BRD10: variants seen among roughly 807,000 people sequenced by gnomAD.
BRD10 encodes the protein bromodomain containing 10.
the BRD10 span, among the ~76,000 whole-genome samples, chr9:5,947,471 A>G: frequency 6.6e-6 from 1 of 152,182 alleles, no homozygotes; most frequent in South Asian, 2.1e-4. Flanking sequence ...TAAATGTACG[A>G]TAAGACAATT....
At chr9:5,956,995 T>C in the BRD10 span, among the ~76,000 whole-genome samples, 6 of 152,088 alleles carry the variant, frequency 3.9e-5, no homozygotes, top group Admixed American at 2.0e-4. Context: ...GGTAACTGTT[T>C]ACAATTCTGA....
chr9:5,894,206 T>C, the BRD10 span, among the ~76,000 whole-genome samples: 1 of 152,142 alleles, frequency 6.6e-6, no homozygotes, highest in Non-Finnish European at 1.5e-5. The surrounding 1 kb of genome is among the most constrained non-coding windows in gnomAD (Gnocchi z 4.0). Context: ...TCCTTTGCCA[T>C]GTAGGGCCAT....
At chr9:5,931,054 G>A in the BRD10 span, among the ~76,000 whole-genome samples, 1 of 152,190 alleles carries the variant, frequency 6.6e-6, no homozygotes, top group Non-Finnish European at 1.5e-5. Context: ...TGATAGTAGG[G>A]AGACTATACT....
At chr9:5,959,402 G>A in the BRD10 span, among the ~76,000 whole-genome samples, 2 of 152,086 alleles carry the variant, frequency 1.3e-5, no homozygotes. Flanking sequence ...TCTAAAATCT[G>A]TAATAATGGG....
At chr9:6,002,249 C>T in the BRD10 span, among the ~76,000 whole-genome samples, 1 of 152,196 alleles carries the variant, frequency 6.6e-6, no homozygotes, top group Admixed American at 6.5e-5. Context: ...GTTAATTGAA[C>T]TCTTTCATAC....
chr9:5,913,877 G>C, the BRD10 span: 1 of 311,672 alleles, frequency 3.2e-6, no homozygotes, highest in South Asian at 2.7e-5. Flanking sequence ...CATCTTTGTA[G>C]TCTAAAAATG....
the BRD10 span, chr9:5,920,817 T>G: frequency 6.2e-7 from 1 of 1,613,992 alleles, no homozygotes; most frequent in East Asian, 2.2e-5. Flanking sequence ...ACTGGTTGTG[T>G]AGTTGAAATC....
the BRD10 span, among the ~76,000 whole-genome samples, chr9:5,942,231 A>G: frequency 6.6e-6 from 1 of 152,100 alleles, no homozygotes; most frequent in Admixed American, 6.5e-5. Flanking sequence ...ATTGTTATTC[A>G]TAACGATGAC....
the BRD10 span, among the ~76,000 whole-genome samples, chr9:5,987,590 T>C: frequency 6.6e-6 from 1 of 152,224 alleles, no homozygotes; most frequent in Admixed American, 6.5e-5. Flanking sequence ...CAAGGCTGAG[T>C]TTCAATCCTA....
At chr9:5,921,526 A>C in the BRD10 span, 6 of 1,613,738 alleles carry the variant, frequency 3.7e-6, no homozygotes, top group African/African-American at 6.7e-5. Flanking sequence ...GTGTCATATT[A>C]ATTGCAGTTC....
At chr9:5,999,789 G>A in the BRD10 span, among the ~76,000 whole-genome samples, 1 of 152,026 alleles carries the variant, frequency 6.6e-6, no homozygotes, top group Non-Finnish European at 1.5e-5. Context: ...ATCCACTTGT[G>A]TCTTTCTATA....
chr9:5,966,319 T>C, the BRD10 span, among the ~76,000 whole-genome samples: 1 of 152,088 alleles, frequency 6.6e-6, no homozygotes, highest in Non-Finnish European at 1.5e-5. Context: ...TTTATTGCCT[T>C]TGAGCATATG....
At chr9:5,896,765 G>C in the BRD10 span, among the ~76,000 whole-genome samples, 1 of 152,190 alleles carries the variant, frequency 6.6e-6, no homozygotes, top group Non-Finnish European at 1.5e-5. Flanking sequence ...TAACTGTAAT[G>C]CTTCCCAGGG....
chr9:5,904,108 T>A, the BRD10 span, among the ~76,000 whole-genome samples: 1 of 152,138 alleles, frequency 6.6e-6, no homozygotes, highest in Non-Finnish European at 1.5e-5. Context: ...TCCGCCTGCC[T>A]TGGTCTCCCA....
At chr9:5,965,018 G>C in the BRD10 span, among the ~76,000 whole-genome samples, 1 of 139,608 alleles carries the variant, frequency 7.2e-6, no homozygotes, top group Admixed American at 7.5e-5. Flanking sequence ...TAACTAACCT[G>C]CACAATGTGC....
At chr9:6,003,266 T>C in the BRD10 span, among the ~76,000 whole-genome samples, 1 of 152,196 alleles carries the variant, frequency 6.6e-6, no homozygotes, top group Non-Finnish European at 1.5e-5. Context: ...CTTTCAAAAC[T>C]AGAAAAAGCC....
chr9:5,882,442 G>A, the BRD10 span, among the ~76,000 whole-genome samples: 1 of 152,160 alleles, frequency 6.6e-6, no homozygotes, highest in African/African-American at 2.4e-5. Context: ...CTAATGTTAA[G>A]AAAACCCTGA....
At chr9:5,986,448 C>T in the BRD10 span, among the ~76,000 whole-genome samples, 2 of 152,106 alleles carry the variant, frequency 1.3e-5, no homozygotes, top group Non-Finnish European at 2.9e-5. Flanking sequence ...ATGCACGTAC[C>T]TTTATAACAG....
At chr9:5,968,971 T>C in the BRD10 span, 1 of 1,610,142 alleles carries the variant, frequency 6.2e-7, no homozygotes, top group East Asian at 2.2e-5. Flanking sequence ...AAAAAGGTAG[T>C]TCGTGAAAAG....
Sources: gnomAD v4.1 joint callset for allele counts (sites outside exome capture counted in the v4.1 genomes callset) on GRCh38, gnomAD v4.1.1 for gene constraint, Gnocchi (gnomAD v3.1) non-coding constraint, MANE v1.5 for transcripts, NCBI Gene and HGNC (gene_info 2026-07-23, HGNC 2026-07-21) for gene names.